RGS6: variants seen among roughly 807,000 people sequenced by gnomAD.
The protein encoded by RGS6 is regulator of G-protein signaling 6.
In RGS6, 30 loss-of-function variants were observed where a neutral mutation model predicts 78.5. The ratio of observed to expected loss-of-function variants is 0.38; its 90% CI spans 0.29 to 0.52. The LOEUF (loss-of-function observed/expected upper bound fraction) is 0.52. Among genes scored for constraint, RGS6 ranks in the 20% least tolerant of loss-of-function variants. RGS6 has a pLI of 0.85. For missense variants in RGS6, 495 were observed against 609.7 expected (o/e 0.81, Z 1.98); for synonymous variants, 206 against 206.0 (o/e 1.00, Z 0.00).
chr14:72,109,058 T>A (rs942181772), intron 2 of RGS6, among the ~76,000 whole-genome samples: 1 of 152,146 alleles, frequency 6.6e-6, no homozygotes, highest in Non-Finnish European at 1.5e-5. Context: ...ATTGTTTTTA[T>A]GTAATTTTTT....
chr14:72,608,847 C>T, the RGS6 span, among the ~76,000 whole-genome samples: 1 of 152,128 alleles, frequency 6.6e-6, no homozygotes, highest in Non-Finnish European at 1.5e-5. Flanking sequence ...ACCATGAAAG[C>T]ACTAGTGTTT....
At chr14:72,017,266 C>T (rs1019302894) in intron 2 of RGS6, among the ~76,000 whole-genome samples, 1 of 152,034 alleles carries the variant, frequency 6.6e-6, no homozygotes, top group Non-Finnish European at 1.5e-5. Flanking sequence ...TGTATCTTTT[C>T]CTATTATTGC....
intron 2 of RGS6, among the ~76,000 whole-genome samples, chr14:72,016,757 G>C (rs775708024): frequency 6.6e-6 from 1 of 152,134 alleles, no homozygotes; most frequent in African/African-American, 2.4e-5. Context: ...TTTCACTTCA[G>C]TTTTCTTTTT....
chr14:71,996,962 A>T (rs992220722), intron 2 of RGS6, among the ~76,000 whole-genome samples: 18 of 152,124 alleles, frequency 1.2e-4, no homozygotes, highest in Non-Finnish European at 2.2e-4. Context: ...AGAATAACAT[A>T]GAGTTCTTAG....
At chr14:72,353,260 TTTTATTGAAG>T (rs1289324818) in intron 3 of RGS6, among the ~76,000 whole-genome samples, 1 of 152,220 alleles carries the variant, frequency 6.6e-6, no homozygotes, top group Non-Finnish European at 1.5e-5. Flanking sequence ...TTATAGCAAC[TTTTATTGAAG>T]TATACTGAAG....
chr14:71,930,105 T>A (rs575899667), upstream of RGS6, among the ~76,000 whole-genome samples: 3 of 152,340 alleles, frequency 2.0e-5, no homozygotes, highest in East Asian at 5.8e-4. Context: ...TTAGGCCTTC[T>A]CAGTCGACAA....
At chr14:72,367,943 G>C (rs1452194750) in intron 3 of RGS6, among the ~76,000 whole-genome samples, 3 of 152,138 alleles carry the variant, frequency 2.0e-5, no homozygotes, top group Non-Finnish European at 4.4e-5. Flanking sequence ...ATGTATAAAG[G>C]CCTGTCTGAA....
intron 2 of RGS6, among the ~76,000 whole-genome samples, chr14:71,981,678 GCT>G: frequency 6.6e-6 from 1 of 151,758 alleles, no homozygotes; most frequent in Non-Finnish European, 1.5e-5. Flanking sequence ...GAGAACCACT[GCT>G]CTCTTCAAAG....
the RGS6 span, among the ~76,000 whole-genome samples, chr14:72,618,504 G>A: frequency 6.6e-6 from 1 of 152,188 alleles, no homozygotes; most frequent in Non-Finnish European, 1.5e-5. Context: ...CTCACCTAAA[G>A]GATGCCCCAG....
chr14:72,472,281 C>G (rs573710703), intron 8 of RGS6, among the ~76,000 whole-genome samples: 1 of 152,124 alleles, frequency 6.6e-6, no homozygotes, highest in African/African-American at 2.4e-5. Context: ...ATTTGTGCCT[C>G]CCCCAGCTGA....
chr14:72,547,128 CAG>C (rs1317026595), intron 17 of RGS6: 36 of 1,528,224 alleles, frequency 2.4e-5, no homozygotes, highest in Non-Finnish European at 2.8e-5. Flanking sequence ...GCCGACCACT[CAG>C]AAGACAGGAT....
chr14:72,418,963 A>G (rs1038979791), intron 3 of RGS6, among the ~76,000 whole-genome samples: 3 of 152,252 alleles, frequency 2.0e-5, no homozygotes, highest in African/African-American at 7.2e-5. Flanking sequence ...TTTTCCATGC[A>G]CTAAAGGCTT....
chr14:72,569,288 G>T (rs534089685), downstream of RGS6, among the ~76,000 whole-genome samples: 2 of 151,858 alleles, frequency 1.3e-5, no homozygotes, highest in South Asian at 4.2e-4. Context: ...ACCCCAAAAC[G>T]TTCCTGTGCC....
At chr14:72,460,622 G>T (rs987095973) in intron 6 of RGS6, among the ~76,000 whole-genome samples, 1 of 152,222 alleles carries the variant, frequency 6.6e-6, no homozygotes, top group Non-Finnish European at 1.5e-5. Context: ...ATGCCTGAAG[G>T]TTGTAGCTGC....
intron 8 of RGS6, among the ~76,000 whole-genome samples, chr14:72,471,362 T>C (rs1235738494): frequency 6.6e-6 from 1 of 152,184 alleles, no homozygotes; most frequent in African/African-American, 2.4e-5. Flanking sequence ...GATCTGGATC[T>C]CCCCTGTCCC....
intron 15 of RGS6, among the ~76,000 whole-genome samples, chr14:72,535,879 G>C (rs2097244577): frequency 6.6e-6 from 1 of 152,148 alleles, no homozygotes; most frequent in South Asian, 2.1e-4. Context: ...AGAACAGTTT[G>C]TTCCTCCTCA....
At chr14:72,363,884 C>T (rs1441608876) in intron 3 of RGS6, among the ~76,000 whole-genome samples, 1 of 150,488 alleles carries the variant, frequency 6.6e-6, no homozygotes, top group Non-Finnish European at 1.5e-5. Flanking sequence ...GGAGAATAGT[C>T]TTCCAACACA....
chr14:72,466,595 G>A (rs78714276), intron 7 of RGS6, among the ~76,000 whole-genome samples: 2 of 152,336 alleles, frequency 1.3e-5, no homozygotes, highest in East Asian at 3.9e-4. Flanking sequence ...ACTTGAATGA[G>A]TACCAAGAAC....
intron 14 of RGS6, among the ~76,000 whole-genome samples, chr14:72,512,971 A>G (rs528278725): frequency 1.3e-5 from 2 of 152,220 alleles, no homozygotes; most frequent in East Asian, 1.9e-4. Context: ...GAGTTGTGCA[A>G]TATGGCACAA....
Sources: allele counts gnomAD v4.1 joint callset (sites outside exome capture counted in the v4.1 genomes callset), GRCh38; gene constraint gnomAD v4.1.1; transcripts MANE v1.5; gene names NCBI Gene and HGNC (gene_info 2026-07-23, HGNC 2026-07-21).